The following SDK1 variants were observed in gnomAD, a reference collection of about 807,000 sequenced individuals.
The protein encoded by SDK1 is protein sidekick-1.
Under a neutral mutation model 245.5 loss-of-function variants are expected in SDK1, and 157 were observed. The ratio of observed to expected loss-of-function variants is 0.64; its 90% CI spans 0.56 to 0.73. The LOEUF (loss-of-function observed/expected upper bound fraction) is 0.73. SDK1 is among the 30% of genes least tolerant of loss of function. SDK1 has a pLI of 0.00. For synonymous variants in SDK1, 1,647 were observed against 1,278.5 expected (o/e 1.29, Z -6.15); for missense variants, 3,583 against 3,002.3 (o/e 1.19, Z -4.52).
At chr7:3,335,732 A>T (rs893503573) in intron 1 of SDK1, among the ~76,000 whole-genome samples, 1 of 152,048 alleles carries the variant, frequency 6.6e-6, no homozygotes, top group South Asian at 2.1e-4. Context: ...AATGAATAGT[A>T]ATCCAACCAG....
chr7:3,946,269 C>T (rs1163136884), intron 5 of SDK1, among the ~76,000 whole-genome samples: 2 of 152,090 alleles, frequency 1.3e-5, no homozygotes, highest in African/African-American at 4.8e-5. Context: ...CCTCAACCTC[C>T]TGGGCTCAAG....
intron 4 of SDK1, among the ~76,000 whole-genome samples, chr7:3,807,692 G>T (rs1162696110): frequency 6.6e-6 from 1 of 152,132 alleles, no homozygotes; most frequent in African/African-American, 2.4e-5. Flanking sequence ...CTGGGTCTGG[G>T]GCCAGGGAGA....
intron 22 of SDK1, among the ~76,000 whole-genome samples, chr7:4,104,567 C>A (rs969033348): frequency 4.5e-4 from 69 of 152,318 alleles, no homozygotes; most frequent in African/African-American, 1.6e-3. Context: ...AGCATTCTTT[C>A]TTTCATTCAC....
At chr7:3,733,728 A>G (rs1420380483) in intron 4 of SDK1, among the ~76,000 whole-genome samples, 2 of 152,202 alleles carry the variant, frequency 1.3e-5, no homozygotes, top group African/African-American at 4.8e-5. Flanking sequence ...AAGGGCAAAT[A>G]AGGAAACTGG....
At chr7:3,604,497 C>A (rs1273432171) in intron 1 of SDK1, among the ~76,000 whole-genome samples, 2 of 151,992 alleles carry the variant, frequency 1.3e-5, no homozygotes, top group Non-Finnish European at 2.9e-5. Flanking sequence ...TCTTTAGCTG[C>A]ATCTCACACA....
intron 1 of SDK1, among the ~76,000 whole-genome samples, chr7:3,527,227 G>T (rs182085338): frequency 6.6e-6 from 1 of 152,288 alleles, no homozygotes; most frequent in East Asian, 1.9e-4. Flanking sequence ...TGTAAGCAAT[G>T]GGAATGCTAT....
intron 14 of SDK1, 98 bp from the exon 15 acceptor site, chr7:4,010,868 G>T: frequency 7.9e-7 from 1 of 1,273,368 alleles, no homozygotes; most frequent in South Asian, 1.4e-5. Context: ...GTCCTGCTAA[G>T]CAAATGAGAT....
At chr7:3,445,093 G>A (rs966182253) in intron 1 of SDK1, among the ~76,000 whole-genome samples, 1 of 151,928 alleles carries the variant, frequency 6.6e-6, no homozygotes. Context: ...TCATATTATT[G>A]TATCTTATAA....
At chr7:4,244,466 G>A (rs1451981946) in intron 43 of SDK1, among the ~76,000 whole-genome samples, 2 of 152,214 alleles carry the variant, frequency 1.3e-5, no homozygotes, top group African/African-American at 4.8e-5. Flanking sequence ...TGTACTCAGA[G>A]TTTTTCCCCA....
rs1247379913 is a variant in SDK1 at position 3,638,940 on chromosome 7, A to T, written c.459-64A>T. 4.0e-5 allele frequency: 37 copies of T among 935,906 alleles called. No homozygotes were observed. The Admixed American group carries it at 7.1e-4, about 18-fold the overall frequency. The allele number at this position is 935,906 out of a possible 1,614,324, so 58.0% of individuals were successfully genotyped here. ...GTGCTGTTTGATAAAATAGCATCTG[A>T]TGGTTAGATATAACCATGAAACACT... On this transcript the variant is annotated intron_variant, in intron 2 of 44. Coordinates refer to ENST00000404826, the MANE Select transcript of SDK1 (RefSeq NM_152744.4).
intron 1 of SDK1, among the ~76,000 whole-genome samples, chr7:3,441,361 A>C (rs867251407): frequency 6.6e-6 from 1 of 152,086 alleles, no homozygotes; most frequent in Non-Finnish European, 1.5e-5. Context: ...GTACATCATG[A>C]CATGTGTGGA....
intron 5 of SDK1, among the ~76,000 whole-genome samples, chr7:3,834,904 C>T (rs1451791280): frequency 6.6e-6 from 1 of 152,140 alleles, no homozygotes; most frequent in Non-Finnish European, 1.5e-5. Context: ...GGATGCTGCT[C>T]ACCGGCTTGT....
intron 4 of SDK1, among the ~76,000 whole-genome samples, chr7:3,757,718 A>G (rs778359178): frequency 2.0e-5 from 3 of 152,164 alleles, no homozygotes; most frequent in Non-Finnish European, 2.9e-5. Context: ...AGGCTCTTCC[A>G]ACCCCATTGC....
chr7:3,967,547 G>T, intron 10 of SDK1, 113 bp downstream of exon 10: 4 of 715,202 alleles, frequency 5.6e-6, no homozygotes, highest in Non-Finnish European at 9.9e-6. Flanking sequence ...TTCACTCAAT[G>T]AAGATTAAAT....
intron 21 of SDK1, among the ~76,000 whole-genome samples, chr7:4,077,519 T>C (rs1780770874): frequency 6.6e-6 from 1 of 152,154 alleles, no homozygotes. Flanking sequence ...GCGATGATTG[T>C]ATTAGTCCAT....
intron 5 of SDK1, among the ~76,000 whole-genome samples, chr7:3,882,785 A>G (rs898314294): frequency 6.6e-6 from 1 of 152,194 alleles, no homozygotes; most frequent in South Asian, 2.1e-4. Context: ...TTTGTTAGCA[A>G]TTCTCTTCAC....
intron 33 of SDK1, 85 bp downstream of exon 33, chr7:4,174,442 A>G: frequency 7.0e-7 from 1 of 1,427,248 alleles, no homozygotes; most frequent in Non-Finnish European, 9.7e-7. Context: ...CATGGTGGGA[A>G]ACGCTGTGGA....
chr7:3,858,120 A>C (rs1325456363), intron 5 of SDK1, among the ~76,000 whole-genome samples: 3 of 152,228 alleles, frequency 2.0e-5, no homozygotes, highest in Non-Finnish European at 4.4e-5. Flanking sequence ...CATGCTATGG[A>C]ATACAATGGA....
intron 4 of SDK1, among the ~76,000 whole-genome samples, chr7:3,788,660 T>C (rs1466159836): frequency 6.6e-6 from 1 of 152,128 alleles, no homozygotes; most frequent in Non-Finnish European, 1.5e-5. Flanking sequence ...CGATGGCTGA[T>C]GTGCTAGGAA....
Sources: allele counts gnomAD v4.1 joint callset (sites outside exome capture counted in the v4.1 genomes callset), GRCh38; gene constraint gnomAD v4.1.1; transcripts MANE v1.5; gene names NCBI Gene and HGNC (gene_info 2026-07-23, HGNC 2026-07-21).